The following TYW1B variants were observed in gnomAD, a reference collection of about 807,000 sequenced individuals.
TYW1B encodes the protein S-adenosyl-L-methionine-dependent tRNA 4-demethylwyosine synthase TYW1B.
TYW1B carries 73 observed loss-of-function variants against 86.9 expected under a neutral mutation model. That is an observed-to-expected ratio of 0.84 (90% CI 0.70 to 1.02). TYW1B has a LOEUF of 1.02. Ranked by LOEUF, TYW1B falls within the 50% of genes least tolerant of loss-of-function variation. TYW1B has a pLI of 0.00. For missense variants in TYW1B, 637 were observed against 827.4 expected, an observed-to-expected ratio of 0.77 and a Z score of 2.82; for synonymous variants, 248 against 292.8, an observed-to-expected ratio of 0.85 and a Z score of 1.56.
At chr7:72,664,810 A>G (rs112702977) in intron 11 of TYW1B, among the ~76,000 whole-genome samples, 3 of 152,158 alleles carry the variant, frequency 2.0e-5, no homozygotes, top group Admixed American at 6.5e-5. Context: ...TATATGATCT[A>G]TGGGGGATTG....
At chr7:72,753,948 G>C (rs1787545100) in intron 7 of TYW1B, among the ~76,000 whole-genome samples, 2 of 152,014 alleles carry the variant, frequency 1.3e-5, no homozygotes, top group Non-Finnish European at 2.9e-5. Context: ...ACTTTACTGT[G>C]ATATTTGCTT....
At chr7:72,721,459 T>C (rs1486345596) in intron 9 of TYW1B, among the ~76,000 whole-genome samples, 1 of 152,190 alleles carries the variant, frequency 6.6e-6, no homozygotes, top group Non-Finnish European at 1.5e-5. Flanking sequence ...TGAGATGGTA[T>C]CTTATTGTGG....
rs1320633531 is a variant in TYW1B, at chr7:72,611,428, TC to T, written c.1785+5243del. Reference sequence around the variant, plus strand: ...GAGATAACTGAATCATGGGGTGGTTTCCCCCATGCTGTTCTTGTGATAGTGA... The same window carrying T: ...GAGATAACTGAATCATGGGGTGGTTTCCCCATGCTGTTCTTGTGATAGTGA... On this transcript the variant is annotated intron_variant, in intron 13 of 13. Transcript: ENST00000620995. Among the ~76,000 whole-genome samples, 10 of 152,160 alleles carry T rather than the reference TC, an allele frequency of 6.6e-5. No individual in the cohort carries two copies. The East Asian group carries it at 1.9e-3, about 30-fold the overall frequency.
At chr7:72,643,123 A>G (rs17674142) in intron 11 of TYW1B, among the ~76,000 whole-genome samples, 15,655 of 152,240 alleles carry the variant, frequency 0.1, 895 homozygotes, top group Non-Finnish European at 0.11. Flanking sequence ...AAGGATGAGC[A>G]TCTATAATTT....
intron 7 of TYW1B, among the ~76,000 whole-genome samples, chr7:72,760,010 C>G (rs1223784609): frequency 2.0e-5 from 3 of 151,654 alleles, no homozygotes; most frequent in African/African-American, 7.3e-5. Context: ...AGCATATACA[C>G]ACAAAAAAAA....
intron 12 of TYW1B, among the ~76,000 whole-genome samples, chr7:72,624,420 T>C (rs1407548724): frequency 8.5e-5 from 13 of 152,306 alleles, no homozygotes; most frequent in East Asian, 5.8e-4. Flanking sequence ...ACATACAACA[T>C]TGAAAATGTA....
chr7:72,611,568 C>G (rs532123614), intron 13 of TYW1B, among the ~76,000 whole-genome samples: 1 of 152,248 alleles, frequency 6.6e-6, no homozygotes, highest in African/African-American at 2.4e-5. Context: ...GTGAGGCCTC[C>G]CCAGCCATGT....
In TYW1B at chr7:72,826,905, C is replaced by T; in HGVS notation, c.85G>A (p.Ala29Thr). The change falls in exon 2 of 14, where the codon GCT (alanine) becomes ACT (threonine). Residue 29 changes from alanine to threonine, a missense_variant. Coordinates refer to ENST00000620995, the MANE Select transcript of TYW1B (RefSeq NM_001145440.3). ...INRFYIYLGFAVSISLWICVQ... is the reference protein window; with the variant it reads ...INRFYIYLGFTVSISLWICVQ... Reference sequence around the variant, plus strand: ...CAAATCCAAAGGCTAATGCTAACAGCAAAGCCCAGATAAATGTAAAACCTG... The same window carrying T: ...CAAATCCAAAGGCTAATGCTAACAGTAAAGCCCAGATAAATGTAAAACCTG... The T allele has an allele frequency of 6.2e-7, 1 of 1,613,910 alleles. No individual in the cohort carries two copies. Among genetic ancestry groups the T allele is most frequent in the South Asian group, 1.1e-5 (1 of 91,044 alleles).
At chr7:72,825,143 A>G (rs3960653) in intron 2 of TYW1B, among the ~76,000 whole-genome samples, 10 of 151,702 alleles carry the variant, frequency 6.6e-5, no homozygotes, top group African/African-American at 2.2e-4. Flanking sequence ...CAAAGTACAT[A>G]CCAGATAATC....
At chr7:72,655,041 T>C (rs1479615442) in intron 11 of TYW1B, among the ~76,000 whole-genome samples, 7 of 152,094 alleles carry the variant, frequency 4.6e-5, no homozygotes, top group African/African-American at 1.2e-4. Flanking sequence ...AAAACTGTCA[T>C]AGGAGATGTC....
chr7:72,661,339 C>T (rs111401424), intron 11 of TYW1B, among the ~76,000 whole-genome samples: 23,893 of 130,986 alleles, frequency 0.18, 6 homozygotes, highest in African/African-American at 0.25. Flanking sequence ...ATTTCAAGCA[C>T]GAAATTCTCT....
chr7:72,636,423 C>G (rs1381914995), intron 11 of TYW1B, among the ~76,000 whole-genome samples: 3 of 152,052 alleles, frequency 2.0e-5, no homozygotes, highest in African/African-American at 7.2e-5. Flanking sequence ...TAACTTTTTC[C>G]CCTTTTTCTT....
At chr7:72,623,786 T>C (rs1247489172) in intron 12 of TYW1B, among the ~76,000 whole-genome samples, 3 of 152,128 alleles carry the variant, frequency 2.0e-5, no homozygotes, top group Admixed American at 2.0e-4. Flanking sequence ...GTCTTATTAT[T>C]ATTATTGCTG....
intron 13 of TYW1B, among the ~76,000 whole-genome samples, chr7:72,580,214 C>T (rs1229192091): frequency 7.2e-5 from 11 of 152,102 alleles, no homozygotes; most frequent in Admixed American, 3.3e-4. Flanking sequence ...CAATCGGAGA[C>T]GAATCATACT....
intron 6 of TYW1B, among the ~76,000 whole-genome samples, chr7:72,785,848 C>T (rs1258350987): frequency 3.9e-5 from 6 of 152,104 alleles, no homozygotes; most frequent in African/African-American, 1.2e-4. Context: ...CTTAGTGGCT[C>T]GCACCTGTAA....
intron 8 of TYW1B, among the ~76,000 whole-genome samples, chr7:72,730,739 A>G (rs1248827184): frequency 1.3e-5 from 2 of 151,772 alleles, no homozygotes; most frequent in Admixed American, 1.3e-4. Flanking sequence ...AAAAAAGCCT[A>G]CAGGAATGAT....
At chr7:72,616,909 C>T (rs1223780796) in intron 12 of TYW1B, 70 bp from the exon 13 acceptor site, 15 of 1,588,184 alleles carry the variant, frequency 9.4e-6, no homozygotes, top group South Asian at 5.7e-5. Context: ...CTTTCAGAGC[C>T]GGAAAGCCTT....
intron 9 of TYW1B, among the ~76,000 whole-genome samples, chr7:72,721,412 T>C (rs1421944660): frequency 6.6e-6 from 1 of 152,110 alleles, no homozygotes; most frequent in African/African-American, 2.4e-5. Flanking sequence ...GCACCTGTTG[T>C]TTCCTGACTT....
intron 7 of TYW1B, among the ~76,000 whole-genome samples, chr7:72,775,642 G>A (rs1298511901): frequency 2.0e-5 from 3 of 151,450 alleles, no homozygotes; most frequent in Non-Finnish European, 4.4e-5. Context: ...TCAGATATAC[G>A]AAAGCTGAAA....
Sources: allele counts gnomAD v4.1 joint callset (sites outside exome capture counted in the v4.1 genomes callset), GRCh38; gene constraint gnomAD v4.1.1; transcripts MANE v1.5; gene names NCBI Gene and HGNC (gene_info 2026-07-23, HGNC 2026-07-21).